The following SHANK2 variants were observed in gnomAD, a reference collection of about 807,000 sequenced individuals.
SHANK2 encodes the protein SH3 and multiple ankyrin repeat domains protein 2.
SHANK2 carries 43 observed loss-of-function variants against 133.7 expected under a neutral mutation model. That is an observed-to-expected ratio of 0.32 (90% CI 0.25 to 0.41). The LOEUF is 0.41. SHANK2 is among the 10% of genes least tolerant of loss of function. The pLI is 1.00. For missense variants in SHANK2, 1,994 were observed against 2,235.8 expected, an observed-to-expected ratio of 0.89 and a Z score of 2.18; for synonymous variants, 1,017 against 952.8, an observed-to-expected ratio of 1.07 and a Z score of -1.24.
intron 17 of SHANK2, among the ~76,000 whole-genome samples, chr11:70,609,428 G>C (rs781993546): frequency 1.3e-4 from 20 of 152,184 alleles, no homozygotes; most frequent in Non-Finnish European, 2.8e-4. Flanking sequence ...AGGTTCCTCA[G>C]TAAGTTAAAC....
chr11:70,755,324 G>A (rs1251995999), intron 14 of SHANK2, among the ~76,000 whole-genome samples: 3 of 152,168 alleles, frequency 2.0e-5, no homozygotes, highest in Non-Finnish European at 4.4e-5. Flanking sequence ...CACCTGCCTC[G>A]GCCTCCCAAA....
At chr11:70,502,645 G>T in intron 18 of SHANK2, 151 bp downstream of exon 18, 1 of 912,506 alleles carries the variant, frequency 1.1e-6, no homozygotes, top group Non-Finnish European at 1.6e-6. Flanking sequence ...GGGCTCTGGC[G>T]GTAAATTCCA....
At chr11:70,725,590 T>A (rs1385410926) in intron 14 of SHANK2, among the ~76,000 whole-genome samples, 1 of 152,144 alleles carries the variant, frequency 6.6e-6, no homozygotes, top group Non-Finnish European at 1.5e-5. Context: ...TGGGTGTTGT[T>A]CAGATGAACC....
chr11:70,630,220 C>T (rs2060964830), intron 17 of SHANK2, among the ~76,000 whole-genome samples: 1 of 152,222 alleles, frequency 6.6e-6, no homozygotes, highest in Non-Finnish European at 1.5e-5. Flanking sequence ...CTGGCACTGA[C>T]CTTGCAGGTG....
intron 17 of SHANK2, chr11:70,654,309 G>A (rs1555010963): frequency 1.3e-5 from 2 of 152,202 alleles, no homozygotes; most frequent in African/African-American, 4.8e-5. Context: ...AGCACTATCT[G>A]TGCCAAGGGG....
At chr11:71,196,744 T>A (rs1342389702) in intron 2 of SHANK2, among the ~76,000 whole-genome samples, 3 of 150,426 alleles carry the variant, frequency 2.0e-5, no homozygotes, top group African/African-American at 4.9e-5. Context: ...ACGCCTACAA[T>A]TCCAGCACTT....
In SHANK2 at chr11:70,879,753, G is replaced by A. The variant is rs61885507; in HGVS notation, c.1174+16748C>T. ...TATGGAGGATCGATGGGCTCTGACA[G>A]CAGGACACCGGCGGTGGGACCCTCT... On this transcript the variant is annotated intron_variant, in intron 11 of 25. Coordinates refer to ENST00000601538, the MANE Select transcript of SHANK2 (RefSeq NM_012309.5). 4.1e-3 allele frequency among the ~76,000 whole-genome samples: 618 copies of A among 152,332 alleles called. 2 individuals carry two copies. Among genetic ancestry groups the A allele is most frequent in the Middle Eastern group, 0.01 (3 of 294 alleles).
chr11:70,906,242 G>T lies in SHANK2; in HGVS notation c.1108-9675C>A, dbSNP rs188530553. Reference sequence around the variant, plus strand: ...GCCTTCCTGCTCAGGGCTGGGACATGGGCAGCACATGCGAATGCTCTTCAC... The same window carrying T: ...GCCTTCCTGCTCAGGGCTGGGACATTGGCAGCACATGCGAATGCTCTTCAC... On this transcript the variant is annotated intron_variant, in intron 10 of 25. Coordinates refer to ENST00000601538, the MANE Select transcript of SHANK2 (RefSeq NM_012309.5). Among the ~76,000 whole-genome samples the T allele has an allele frequency of 2.1e-4, 32 of 152,340 alleles. No individual in the cohort carries two copies. In the East Asian group the frequency reaches 6.2e-3, roughly 29 times the overall value.
chr11:70,876,039 C>T lies in SHANK2; in HGVS notation c.1174+20462G>A, dbSNP rs181917958. On this transcript the variant is annotated intron_variant, in intron 11 of 25. Transcript: ENST00000601538. ...GGTGTGGTGGTGCATGCCTGTAATC[C>T]CAGCTACTTGGGAGGCTGAGGCAGG... is the stretch of plus-strand genomic sequence containing the variant. Among the ~76,000 whole-genome samples, 428 of 151,950 alleles carry T rather than the reference C, an allele frequency of 2.8e-3. 1 individual carries two copies. The highest frequency in any genetic ancestry group is 1.0e-2 in the African/African-American group (413 of 41,398).
intron 17 of SHANK2, among the ~76,000 whole-genome samples, chr11:70,608,296 T>C (rs1328342462): frequency 6.6e-6 from 1 of 152,108 alleles, no homozygotes; most frequent in Non-Finnish European, 1.5e-5. Context: ...CTTTCCTCTT[T>C]GTGAAAAGAG....
chr11:71,143,433 G>T (rs1219347870), intron 3 of SHANK2, among the ~76,000 whole-genome samples: 11 of 152,234 alleles, frequency 7.2e-5, no homozygotes, highest in African/African-American at 9.6e-5. Context: ...GTTTCAGCCT[G>T]CCCGATGCGC....
At chr11:70,553,162 G>A (rs782726400) in intron 17 of SHANK2, among the ~76,000 whole-genome samples, 5 of 151,784 alleles carry the variant, frequency 3.3e-5, no homozygotes, top group African/African-American at 4.8e-5. Context: ...GCGCGATCTC[G>A]TCTCACTGCA....
chr11:70,750,335 C>A (rs1946727766), intron 14 of SHANK2, among the ~76,000 whole-genome samples: 1 of 152,206 alleles, frequency 6.6e-6, no homozygotes, highest in Non-Finnish European at 1.5e-5. Flanking sequence ...TTTTCTCCCA[C>A]CCACAGCCTC....
At chr11:71,083,195 C>T (rs1216406795) in intron 8 of SHANK2, among the ~76,000 whole-genome samples, 2 of 152,254 alleles carry the variant, frequency 1.3e-5, no homozygotes, top group Non-Finnish European at 2.9e-5. Context: ...CCTGCCTCAG[C>T]CTCCCAAACT....
chr11:70,908,665 T>C lies in SHANK2; in HGVS notation c.1108-12098A>G, dbSNP rs549094217. Among the ~76,000 whole-genome samples, 11 of 152,248 alleles carry C rather than the reference T, an allele frequency of 7.2e-5. No homozygotes were observed. In the South Asian group the frequency reaches 2.3e-3, roughly 32 times the overall value. ...CAGGCCTCCAGAGCTGCACCGACAT[T>C]GGCAAGTTACCTCCCAGGGATGCTG... On this transcript the variant is annotated intron_variant, in intron 10 of 25. Transcript: ENST00000601538.
At chr11:71,201,696 G>T (rs549930000) in intron 2 of SHANK2, among the ~76,000 whole-genome samples, 1 of 152,340 alleles carries the variant, frequency 6.6e-6, no homozygotes, top group African/African-American at 2.4e-5. Flanking sequence ...CACAGAGTGG[G>T]TACAAAGCAG....
intron 15 of SHANK2, among the ~76,000 whole-genome samples, chr11:70,664,879 AG>A (rs1176998520): frequency 6.6e-6 from 1 of 152,186 alleles, no homozygotes; most frequent in Non-Finnish European, 1.5e-5. Flanking sequence ...CTGACCTATC[AG>A]GCCCCAGAGC....
At chr11:71,250,083 T>C (rs1031967474) in intron 1 of SHANK2, among the ~76,000 whole-genome samples, 10 of 151,512 alleles carry the variant, frequency 6.6e-5, no homozygotes, top group African/African-American at 2.2e-4. Context: ...TTGGAGACAG[T>C]ACACAGAAAG....
At chr11:70,598,942 A>G (rs2060437641) in intron 17 of SHANK2, among the ~76,000 whole-genome samples, 2 of 151,148 alleles carry the variant, frequency 1.3e-5, no homozygotes, top group Middle Eastern at 3.4e-3. Flanking sequence ...AAAAAAAAAA[A>G]GACTAGAGTC....
Sources: allele counts gnomAD v4.1 joint callset (sites outside exome capture counted in the v4.1 genomes callset), GRCh38; gene constraint gnomAD v4.1.1; transcripts MANE v1.5; gene names NCBI Gene and HGNC (gene_info 2026-07-23, HGNC 2026-07-21).